CLGN: variants seen among roughly 807,000 people sequenced by gnomAD.
CLGN encodes calmegin, also known as testis tissue sperm-binding protein Li 79P.
A neutral mutation model predicts 79.1 loss-of-function variants in CLGN; 62 were observed. The ratio of observed to expected loss-of-function variants is 0.78; its 90% CI spans 0.64 to 0.97. CLGN has a LOEUF of 0.97. CLGN is among the 50% of genes least tolerant of loss of function. The probability of loss-of-function intolerance (pLI) is 0.00; values close to 1 mark genes in which losing one functional copy is unlikely to be tolerated. For synonymous variants in CLGN, 225 were observed against 224.7 expected, an observed-to-expected ratio of 1.00 and a Z score of -0.01; for missense variants, 647 against 715.5, an observed-to-expected ratio of 0.90 and a Z score of 1.09.
chr4:140,403,391 A>G (rs1199635062), intron 5 of CLGN, among the ~76,000 whole-genome samples: 1 of 152,224 alleles, frequency 6.6e-6, no homozygotes, highest in Non-Finnish European at 1.5e-5. Flanking sequence ...TGATAATCAG[A>G]AGGAAGGTAT....
intron 1 of CLGN, among the ~76,000 whole-genome samples, chr4:140,416,846 T>G (rs1469719672): frequency 1.3e-5 from 2 of 150,960 alleles, no homozygotes; most frequent in Non-Finnish European, 3.0e-5. Flanking sequence ...CCTAACTCAT[T>G]TTATGAGGCC....
intron 2 of CLGN, among the ~76,000 whole-genome samples, chr4:140,410,828 T>A (rs1341807874): frequency 6.6e-6 from 1 of 151,804 alleles, no homozygotes; most frequent in Non-Finnish European, 1.5e-5. Flanking sequence ...ATGACAAAAA[T>A]ACTATACGTA....
intron 5 of CLGN, among the ~76,000 whole-genome samples, chr4:140,405,180 T>A (rs1296838074): frequency 8.4e-6 from 1 of 119,448 alleles, no homozygotes; most frequent in Non-Finnish European, 1.7e-5. Flanking sequence ...TTTATTTTTA[T>A]TTTTTTTTTT....
intron 1 of CLGN, among the ~76,000 whole-genome samples, chr4:140,418,177 C>T (rs1729383820): frequency 6.6e-6 from 1 of 152,074 alleles, no homozygotes; most frequent in Non-Finnish European, 1.5e-5. Context: ...GGATCCCTTC[C>T]TTACACCTTA....
At chr4:140,412,039 T>C (rs1313269622) in intron 2 of CLGN, among the ~76,000 whole-genome samples, 1 of 152,138 alleles carries the variant, frequency 6.6e-6, no homozygotes, top group Non-Finnish European at 1.5e-5. Context: ...TCAAAGACCC[T>C]GTAGTAACTG....
intron 13 of CLGN, among the ~76,000 whole-genome samples, chr4:140,391,907 A>G (rs1728779744): frequency 6.6e-6 from 1 of 151,794 alleles, no homozygotes; most frequent in African/African-American, 2.4e-5. Context: ...ATCACCCTCC[A>G]TCTCATCTTC....
chr4:140,418,502 A>C (rs1228415719), intron 1 of CLGN, among the ~76,000 whole-genome samples: 1 of 146,800 alleles, frequency 6.8e-6, no homozygotes, highest in East Asian at 2.0e-4. Context: ...AAACAAATTT[A>C]CAAGAAAAAA....
At chr4:140,426,951 C>T (rs1729580050) in intron 1 of CLGN, among the ~76,000 whole-genome samples, 1 of 152,216 alleles carries the variant, frequency 6.6e-6, no homozygotes, top group South Asian at 2.1e-4. Flanking sequence ...GCCAACAGTC[C>T]CTGGCCCCAC....
At chr4:140,421,889 GTTTTC>G (rs1373275471) in intron 1 of CLGN, among the ~76,000 whole-genome samples, 11 of 151,914 alleles carry the variant, frequency 7.2e-5, no homozygotes, top group African/African-American at 2.2e-4. Flanking sequence ...AGCTTTCCAT[GTTTTC>G]TTTTAACAGT....
chr4:140,412,797 C>A (rs958885797), intron 2 of CLGN, 138 bp downstream of exon 2: 1 of 764,862 alleles, frequency 1.3e-6, no homozygotes, highest in African/African-American at 1.8e-5. Flanking sequence ...AGTAATAAGA[C>A]ACTTAGAAAA....
In CLGN at chr4:140,392,596, C is replaced by T. The variant is rs761023013; in HGVS notation, c.1481G>A (p.Arg494Lys). ...ATCCATTTTCTTTACCTTTACTTTT[C>T]TTGGCCAACAAAATGAAGTAATTAA... Reference protein sequence around the residue: ...IALITSFCWPRKVKKKHKDTE... With the variant: ...IALITSFCWPKKVKKKHKDTE... The change falls in exon 12 of 15, where the codon AGA becomes AAA. Residue 494 changes from arginine (R) to lysine (K), a missense_variant. Transcript: ENST00000325617. The T allele has an allele frequency of 1.3e-6, 2 of 1,595,750 alleles. No homozygotes were observed. Among genetic ancestry groups the T allele is most frequent in the Non-Finnish European group, 1.7e-6 (2 of 1,174,866 alleles).
At chr4:140,412,516 A>C (rs1729233098) in intron 2 of CLGN, among the ~76,000 whole-genome samples, 1 of 152,136 alleles carries the variant, frequency 6.6e-6, no homozygotes, top group Non-Finnish European at 1.5e-5. Flanking sequence ...TCCTTTTCTA[A>C]TTCATCCTCC....
chr4:140,405,584 A>C (rs1221615086), intron 5 of CLGN, among the ~76,000 whole-genome samples: 1 of 152,188 alleles, frequency 6.6e-6, no homozygotes, highest in Non-Finnish European at 1.5e-5. Context: ...TATATCACAT[A>C]ATTTTTAAAT....
At chr4:140,411,070 G>C (rs1729202196) in intron 2 of CLGN, among the ~76,000 whole-genome samples, 1 of 152,058 alleles carries the variant, frequency 6.6e-6, no homozygotes, top group South Asian at 2.1e-4. Flanking sequence ...CCCAGAGAGT[G>C]AAAAGATTCT....
chr4:140,423,425 A>C (rs1013038174), intron 1 of CLGN, among the ~76,000 whole-genome samples: 7 of 152,172 alleles, frequency 4.6e-5, no homozygotes, highest in Non-Finnish European at 1.0e-4. Context: ...TATGCAGCTG[A>C]ATTTTGTTGT....
At chr4:140,399,869 C>T (rs1199231260) in intron 7 of CLGN, among the ~76,000 whole-genome samples, 2 of 152,172 alleles carry the variant, frequency 1.3e-5, no homozygotes, top group African/African-American at 2.4e-5. Context: ...CATGCCACAA[C>T]CAACACAAGG....
chr4:140,407,601 A>T (rs1279167490), intron 4 of CLGN, among the ~76,000 whole-genome samples: 1 of 151,962 alleles, frequency 6.6e-6, no homozygotes, highest in Admixed American at 6.6e-5. Flanking sequence ...AAAAAAAAAA[A>T]AATCCCTAGG....
At chr4:140,397,694 G>A (rs1190306656) in intron 8 of CLGN, among the ~76,000 whole-genome samples, 2 of 151,718 alleles carry the variant, frequency 1.3e-5, no homozygotes, top group East Asian at 1.9e-4. Context: ...TCACGAGATC[G>A]GGAGTTCGAG....
chr4:140,425,287 T>G (rs1051232318), intron 1 of CLGN, among the ~76,000 whole-genome samples: 4 of 152,182 alleles, frequency 2.6e-5, no homozygotes, highest in Non-Finnish European at 5.9e-5. Flanking sequence ...ATCTTTCCCC[T>G]TCTGGTTTGA....
Sources: gnomAD v4.1 joint callset for allele counts (sites outside exome capture counted in the v4.1 genomes callset) on GRCh38, gnomAD v4.1.1 for gene constraint, MANE v1.5 for transcripts, NCBI Gene and HGNC (gene_info 2026-07-23, HGNC 2026-07-21) for gene names.